Variants in ABCC1 observed in about 807,000 individuals in gnomAD.
ABCC1 encodes the protein multidrug resistance-associated protein 1.
Under a neutral mutation model 172.9 loss-of-function variants are expected in ABCC1, and 83 were observed. The observed-to-expected ratio is 0.48, with a 90% CI of 0.40 to 0.58. ABCC1 has a LOEUF of 0.58. Ranked by LOEUF, ABCC1 falls within the 20% of genes least tolerant of loss-of-function variation. The pLI is 0.00. For synonymous variants in ABCC1, 937 were observed against 825.2 expected (o/e 1.14, Z -2.32); for missense variants, 1,817 against 2,002.7 (o/e 0.91, Z 1.77).
chr16:16,122,384 A>G (rs1316688256), intron 24 of ABCC1, among the ~76,000 whole-genome samples: 1 of 152,138 alleles, frequency 6.6e-6, no homozygotes, highest in Non-Finnish European at 1.5e-5. Flanking sequence ...GCGGCATTTA[A>G]GTGCAGGGAC....
intron 23 of ABCC1, among the ~76,000 whole-genome samples, chr16:16,120,028 G>A (rs958791777): frequency 2.7e-4 from 41 of 152,168 alleles, no homozygotes; most frequent in African/African-American, 9.6e-4. Context: ...CGGTACCTGG[G>A]TTCACTTACA....
intron 20 of ABCC1, among the ~76,000 whole-genome samples, chr16:16,106,026 G>A (rs898369130): frequency 3.9e-5 from 6 of 152,006 alleles, no homozygotes; most frequent in African/African-American, 9.6e-5. Flanking sequence ...GCAGGTGCAC[G>A]GTACCACGCC....
At chr16:16,029,094 C>T (rs531790580) in intron 5 of ABCC1, among the ~76,000 whole-genome samples, 14 of 152,334 alleles carry the variant, frequency 9.2e-5, no homozygotes, top group Admixed American at 7.2e-4. Flanking sequence ...CCTCCGAGCC[C>T]CAGAGCGGAG....
At chr16:16,010,602 TAGTG>T (rs1018359889) in intron 3 of ABCC1, among the ~76,000 whole-genome samples, 30 of 152,280 alleles carry the variant, frequency 2.0e-4, no homozygotes, top group African/African-American at 7.0e-4. Context: ...ATACACAACT[TAGTG>T]AGTGACAGAG....
intron 5 of ABCC1, among the ~76,000 whole-genome samples, chr16:16,026,801 C>T (rs1006127661): frequency 2.0e-5 from 3 of 152,012 alleles, no homozygotes; most frequent in Non-Finnish European, 4.4e-5. Flanking sequence ...CCTATAATCC[C>T]AGCTACTCAG....
intron 1 of ABCC1, among the ~76,000 whole-genome samples, chr16:15,999,537 C>T (rs1046972456): frequency 6.6e-6 from 1 of 151,558 alleles, no homozygotes; most frequent in African/African-American, 2.4e-5. Flanking sequence ...CTCGTTTGAA[C>T]CCGGGAGGCA....
intron 1 of ABCC1, among the ~76,000 whole-genome samples, chr16:16,003,295 T>G (rs111067694): frequency 7.4e-5 from 4 of 54,392 alleles, no homozygotes; most frequent in Non-Finnish European, 6.4e-5. Flanking sequence ...ATGGATGGAT[T>G]GATGGGTGAA....
In ABCC1 at chr16:16,141,618, G is replaced by T; in HGVS notation, c.*337G>T. 1 of 321,232 alleles carries T rather than the reference G, an allele frequency of 3.1e-6. No homozygotes were observed. The highest frequency in any genetic ancestry group is 6.5e-5 in the East Asian group (1 of 15,494). The allele number at this position is 321,232 out of a possible 1,614,324, so 19.9% of individuals were successfully genotyped here. On this transcript the variant is annotated 3_prime_UTR_variant, in exon 31 of 31. Coordinates refer to ENST00000399410, the MANE Select transcript of ABCC1 (RefSeq NM_004996.4). Reference sequence around the variant, plus strand: ...AGGAGTTTTGGCAGCCAGACTTCTGGAGGAATTGGTTGTATAGAAGATCCT... The same window carrying T: ...AGGAGTTTTGGCAGCCAGACTTCTGTAGGAATTGGTTGTATAGAAGATCCT...
At chr16:16,126,764 TTAAG>T (rs766766434) in intron 26 of ABCC1, among the ~76,000 whole-genome samples, 10 of 152,346 alleles carry the variant, frequency 6.6e-5, no homozygotes, top group Non-Finnish European at 1.0e-4. Flanking sequence ...AATTTTCCTC[TTAAG>T]TAAGTTGAGA....
At chr16:15,968,055 C>T (rs752124443) in intron 1 of ABCC1, among the ~76,000 whole-genome samples, 1 of 152,108 alleles carries the variant, frequency 6.6e-6, no homozygotes, top group African/African-American at 2.4e-5. Context: ...TTTTTTGAGA[C>T]GGAGTCTTGC....
At chr16:15,985,576 C>G (rs1030299191) in intron 1 of ABCC1, among the ~76,000 whole-genome samples, 64 of 152,190 alleles carry the variant, frequency 4.2e-4, no homozygotes, top group African/African-American at 1.3e-3. Context: ...TCCTGAGTAG[C>G]TGGGACTACA....
chr16:16,141,538 G>C lies in ABCC1; in HGVS notation c.*257G>C, dbSNP rs2152191768. The stretch of plus-strand genomic sequence containing the variant: ...ACCCTGCCCCTGGTGCCCTGAGACA[G>C]ACACACAGCCTCACGCCCCCAGGAA... On this transcript the variant is annotated 3_prime_UTR_variant, in exon 31 of 31. Transcript: ENST00000399410. 1 of 483,870 alleles carries C rather than the reference G, an allele frequency of 2.1e-6. No homozygotes were observed. The highest frequency in any genetic ancestry group is 3.0e-5 in the South Asian group (1 of 33,238). The allele number at this position is 483,870 out of a possible 1,614,324, so 30.0% of individuals were successfully genotyped here.
chr16:16,040,585 C>G (rs929785786), intron 7 of ABCC1, among the ~76,000 whole-genome samples: 1 of 151,910 alleles, frequency 6.6e-6, no homozygotes, highest in African/African-American at 2.4e-5. Context: ...CTGCGCCTGG[C>G]CTTTTTAAAT....
chr16:16,070,626 C>G (rs538845383), intron 13 of ABCC1, among the ~76,000 whole-genome samples: 4 of 152,174 alleles, frequency 2.6e-5, no homozygotes, highest in African/African-American at 9.7e-5. Flanking sequence ...GATTGCGCCA[C>G]TGCACTCCAG....
intron 5 of ABCC1, among the ~76,000 whole-genome samples, chr16:16,026,149 AG>A (rs1260669053): frequency 5.3e-5 from 8 of 152,092 alleles, no homozygotes; most frequent in Admixed American, 2.6e-4. Context: ...GGCTGTTTCC[AG>A]GCCGGGTGCA....
intron 7 of ABCC1, among the ~76,000 whole-genome samples, chr16:16,039,487 T>G (rs1319714974): frequency 6.6e-6 from 1 of 152,012 alleles, no homozygotes; most frequent in Non-Finnish European, 1.5e-5. Flanking sequence ...CAGGCTGGTC[T>G]TAAACTTCTA....
At chr16:15,998,454 T>C (rs909974478) in intron 1 of ABCC1, among the ~76,000 whole-genome samples, 1 of 152,142 alleles carries the variant, frequency 6.6e-6, no homozygotes, top group Non-Finnish European at 1.5e-5. Flanking sequence ...TTGTGACCTA[T>C]GCTGTTGGCC....
intron 22 of ABCC1, among the ~76,000 whole-genome samples, chr16:16,112,423 G>A (rs948334491): frequency 1.3e-5 from 2 of 151,810 alleles, no homozygotes; most frequent in African/African-American, 4.8e-5. Flanking sequence ...TCCTATGGGA[G>A]TCCTCAAATG....
intron 1 of ABCC1, among the ~76,000 whole-genome samples, chr16:15,957,639 A>G (rs560799851): frequency 3.7e-4 from 56 of 152,294 alleles, no homozygotes; most frequent in African/African-American, 1.3e-3. Flanking sequence ...CTCTGTTGCC[A>G]GGCTGGAGTG....
Sources: allele counts gnomAD v4.1 joint callset (sites outside exome capture counted in the v4.1 genomes callset), GRCh38; gene constraint gnomAD v4.1.1; transcripts MANE v1.5; gene names NCBI Gene and HGNC (gene_info 2026-07-23, HGNC 2026-07-21).